PTPRK: variants seen among roughly 807,000 people sequenced by gnomAD.
PTPRK encodes the protein receptor-type tyrosine-protein phosphatase kappa.
PTPRK carries 75 observed loss-of-function variants against 178.0 expected under a neutral mutation model. The observed-to-expected ratio is 0.42, with a 90% CI of 0.35 to 0.51. The LOEUF (loss-of-function observed/expected upper bound fraction) is 0.51. Among genes scored for constraint, PTPRK ranks in the 20% least tolerant of loss-of-function variants. PTPRK has a pLI of 0.02. For synonymous variants in PTPRK, 637 were observed against 620.6 expected, an observed-to-expected ratio of 1.03 and a Z score of -0.39; for missense variants, 1,441 against 1,797.8, an observed-to-expected ratio of 0.80 and a Z score of 3.59.
intron 2 of PTPRK, among the ~76,000 whole-genome samples, chr6:128,356,229 T>C (rs1279546326): frequency 2.0e-5 from 3 of 152,156 alleles, no homozygotes; most frequent in Non-Finnish European, 4.4e-5. Flanking sequence ...ATCTGGCCCC[T>C]GCATAGAATC....
rs188205681 is a variant in PTPRK at position 128,500,365 on chromosome 6, G to T, written c.100+19894C>A. Among the ~76,000 whole-genome samples, 157 of 148,602 alleles carry T rather than the reference G, an allele frequency of 1.1e-3. No individual in the cohort carries two copies. In the East Asian group the frequency reaches 0.014, roughly 13 times the overall value. ...AATCATGTGATTAACTGAAAATTTG[G>T]GGGGGGGAGTCTCATTTCAATCACT... is the stretch of plus-strand genomic sequence containing the variant. On this transcript the variant is annotated intron_variant, in intron 1 of 29. Coordinates refer to ENST00000368226, the MANE Select transcript of PTPRK (RefSeq NM_002844.4).
intron 8 of PTPRK, among the ~76,000 whole-genome samples, chr6:128,087,235 A>T (rs983499497): frequency 3.3e-5 from 5 of 152,150 alleles, no homozygotes; most frequent in Non-Finnish European, 5.9e-5. Flanking sequence ...CAAAAATACC[A>T]TCAAAATGAA....
At chr6:128,319,417 G>A (rs1298841000) in intron 3 of PTPRK, among the ~76,000 whole-genome samples, 1 of 152,092 alleles carries the variant, frequency 6.6e-6, no homozygotes, top group Non-Finnish European at 1.5e-5. Flanking sequence ...CATGAGAAAA[G>A]GGACTTTGCC....
chr6:128,255,464 G>A (rs139088634), intron 3 of PTPRK, among the ~76,000 whole-genome samples: 28 of 152,246 alleles, frequency 1.8e-4, no homozygotes, highest in African/African-American at 6.7e-4. Flanking sequence ...AATAAAGAGT[G>A]TATAGAATAG....
At chr6:128,173,489 G>A (rs1236767914) in intron 7 of PTPRK, among the ~76,000 whole-genome samples, 3 of 151,928 alleles carry the variant, frequency 2.0e-5, no homozygotes, top group Non-Finnish European at 4.4e-5. Flanking sequence ...GAATTAAATG[G>A]TGATGACACT....
chr6:128,276,568 T>C (rs1010501930), intron 3 of PTPRK, among the ~76,000 whole-genome samples: 2 of 152,130 alleles, frequency 1.3e-5, no homozygotes, highest in Non-Finnish European at 2.9e-5. Flanking sequence ...TAGAGAGCCA[T>C]AAACTGGCTT....
At chr6:128,034,993 T>C (rs1775967090) in intron 13 of PTPRK, among the ~76,000 whole-genome samples, 1 of 152,174 alleles carries the variant, frequency 6.6e-6, no homozygotes, top group African/African-American at 2.4e-5. Context: ...TTTACATCCA[T>C]TTATGCTGGT....
At chr6:128,442,712 G>T (rs1456594136) in intron 1 of PTPRK, among the ~76,000 whole-genome samples, 1 of 152,158 alleles carries the variant, frequency 6.6e-6, no homozygotes, top group Non-Finnish European at 1.5e-5. Context: ...TGCAAAAATG[G>T]TAGTACAATC....
At chr6:128,060,825 A>C (rs1241358720) in intron 13 of PTPRK, among the ~76,000 whole-genome samples, 1 of 152,208 alleles carries the variant, frequency 6.6e-6, no homozygotes, top group Non-Finnish European at 1.5e-5. Context: ...TGAAATATAT[A>C]TCACAATATA....
chr6:128,305,149 G>A (rs1299986861), intron 3 of PTPRK, among the ~76,000 whole-genome samples: 1 of 152,100 alleles, frequency 6.6e-6, no homozygotes, highest in Non-Finnish European at 1.5e-5. Context: ...GATTTTTGAA[G>A]AATTCCCGTT....
intron 13 of PTPRK, among the ~76,000 whole-genome samples, chr6:128,059,662 T>C (rs11969033): frequency 0.027 from 4,067 of 152,218 alleles, 179 homozygotes; most frequent in African/African-American, 0.093. Flanking sequence ...TTCTCTCCCG[T>C]AGACGTGGCC....
chr6:127,985,893 G>C lies in PTPRK; in HGVS notation c.3097-18C>G. The stretch of plus-strand genomic sequence containing the variant: ...TACCCCCTCTGTGCAAAGATGGAAA[G>C]AAATGTTTTCAAAAGCCATTTTAAT... On this transcript the variant is annotated intron_variant, in intron 21 of 29. Transcript: ENST00000368226. 6.3e-7 allele frequency: 1 copy of C among 1,588,726 alleles called. No homozygotes were observed. The highest frequency in any genetic ancestry group is 8.6e-7 in the Non-Finnish European group (1 of 1,160,346).
intron 5 of PTPRK, among the ~76,000 whole-genome samples, chr6:128,222,096 C>A (rs1810517196): frequency 6.6e-6 from 1 of 152,160 alleles, no homozygotes; most frequent in Non-Finnish European, 1.5e-5. Context: ...GCACGACTAG[C>A]CAATTCCCAC....
At chr6:128,007,122 T>C (rs1583614528) in intron 14 of PTPRK, among the ~76,000 whole-genome samples, 1 of 150,980 alleles carries the variant, frequency 6.6e-6, no homozygotes, top group East Asian at 1.9e-4. Context: ...TAATATCCAA[T>C]GCAATGCTGC....
intron 7 of PTPRK, among the ~76,000 whole-genome samples, chr6:128,101,810 A>G (rs890635537): frequency 1.8e-4 from 28 of 152,150 alleles, no homozygotes; most frequent in African/African-American, 5.8e-4. Context: ...ACTGTCCAAC[A>G]TATGTACCAT....
intron 14 of PTPRK, chr6:128,006,105 A>C: frequency 7.2e-7 from 1 of 1,384,430 alleles, no homozygotes; most frequent in Non-Finnish European, 1.0e-6. Context: ...TGGTGAATGA[A>C]AAGCGTGACT....
At chr6:128,340,991 T>C (rs926565266) in intron 2 of PTPRK, among the ~76,000 whole-genome samples, 2 of 152,198 alleles carry the variant, frequency 1.3e-5, no homozygotes, top group African/African-American at 4.8e-5. Context: ...CTATATTTAT[T>C]GTTAGTAAAC....
chr6:127,983,284 G>T lies in PTPRK; in HGVS notation c.3345C>A (p.Val1115=), dbSNP rs778080147. ...TAATACGCCGAGATCTTAAGGCTTT[G>T]ACACAATTGTAAATATCAACAACAC... is the stretch of plus-strand genomic sequence containing the variant. ...REGVVDIYNC[V]KALRSRRINM... Residue 1115 remains valine, a synonymous_variant, in exon 23 of 30, where the codon GTC becomes GTA. Coordinates refer to ENST00000368226, the MANE Select transcript of PTPRK (RefSeq NM_002844.4). 1 of 1,613,528 alleles carries T rather than the reference G, an allele frequency of 6.2e-7. No homozygotes were observed. The highest frequency in any genetic ancestry group is 1.1e-5 in the South Asian group (1 of 91,048).
intron 1 of PTPRK, among the ~76,000 whole-genome samples, chr6:128,430,367 G>A (rs995154113): frequency 6.6e-6 from 1 of 152,170 alleles, no homozygotes; most frequent in Non-Finnish European, 1.5e-5. Context: ...AGTAACTAAT[G>A]AAGATATTAA....
Sources: gnomAD v4.1 joint callset for allele counts (sites outside exome capture counted in the v4.1 genomes callset) on GRCh38, gnomAD v4.1.1 for gene constraint, MANE v1.5 for transcripts, NCBI Gene and HGNC (gene_info 2026-07-23, HGNC 2026-07-21) for gene names.